Variants in PLXND1 observed in about 807,000 individuals in gnomAD.
The protein encoded by PLXND1 is plexin-D1.
A neutral mutation model predicts 197.7 loss-of-function variants in PLXND1; 54 were observed. The ratio of observed to expected loss-of-function variants is 0.27; its 90% CI spans 0.22 to 0.34. The LOEUF (loss-of-function observed/expected upper bound fraction) is 0.34. PLXND1 is among the 10% of genes least tolerant of loss of function. The pLI is 1.00. For missense variants in PLXND1, 2,127 were observed against 2,699.2 expected (o/e 0.79, Z 4.70); for synonymous variants, 1,180 against 1,161.2 (o/e 1.02, Z -0.33).
At chr3:129,563,384 G>T in intron 25 of PLXND1, 144 bp from the exon 26 acceptor site, 1 of 645,650 alleles carries the variant, frequency 1.5e-6, no homozygotes, top group Non-Finnish European at 2.6e-6. Flanking sequence ...CCTCTCCAGG[G>T]TGTCTCCACG....
intron 1 of PLXND1, among the ~76,000 whole-genome samples, chr3:129,595,229 C>T (rs532255777): frequency 1.3e-5 from 2 of 152,234 alleles, no homozygotes; most frequent in Non-Finnish European, 2.9e-5. Context: ...GCTCCTTCCA[C>T]TTCAGCATGC....
At chr3:129,597,492 C>CCCCA (rs146899806) in intron 1 of PLXND1, among the ~76,000 whole-genome samples, 50 of 152,202 alleles carry the variant, frequency 3.3e-4, no homozygotes, top group African/African-American at 1.0e-3. Flanking sequence ...GGCCCCCCCC[C>CCCCA]ATTATTTACC....
chr3:129,599,014 TG>T (rs1429785577), intron 1 of PLXND1, among the ~76,000 whole-genome samples: 9 of 152,238 alleles, frequency 5.9e-5, no homozygotes, highest in African/African-American at 2.2e-4. Flanking sequence ...GGGGCAGTTC[TG>T]GTGTCAGAGG....
At chr3:129,592,128 T>C (rs2085552302) in intron 1 of PLXND1, among the ~76,000 whole-genome samples, 2 of 151,830 alleles carry the variant, frequency 1.3e-5, no homozygotes, top group African/African-American at 2.4e-5. Context: ...GCTGCATCAT[T>C]GGCACCTCCT....
Position 129,558,903 on chromosome 3 carries a change from T to TG in PLXND1, c.5298-329dup, listed in dbSNP as rs1185905894. Reference sequence around the variant, plus strand: ...CACCCCTGGCTCCTCCCTGAACCCTTGCAGGCAGCAGGAAGTCCGACATTA... The same window carrying TG: ...CACCCCTGGCTCCTCCCTGAACCCTTGGCAGGCAGCAGGAAGTCCGACATTA... On this transcript the variant is annotated intron_variant, in intron 32 of 35. Coordinates refer to ENST00000324093, the MANE Select transcript of PLXND1 (RefSeq NM_015103.3). This position sits in a 1 kb window ranked among gnomAD's most constrained non-coding sequence, Gnocchi z 4.1. Among the ~76,000 whole-genome samples the TG allele has an allele frequency of 1.3e-5, 2 of 152,000 alleles. No individual in the cohort carries two copies. Among genetic ancestry groups the TG allele is most frequent in the Non-Finnish European group, 2.9e-5 (2 of 67,978 alleles).
chr3:129,590,607 T>C (rs571573326), intron 1 of PLXND1, among the ~76,000 whole-genome samples: 1 of 152,294 alleles, frequency 6.6e-6, no homozygotes, highest in East Asian at 1.9e-4. Context: ...TCACAGGATG[T>C]CATGGGCCCA....
intron 8 of PLXND1, among the ~76,000 whole-genome samples, chr3:129,583,216 A>G (rs1257638751): frequency 6.6e-6 from 1 of 152,214 alleles, no homozygotes; most frequent in Admixed American, 6.5e-5. Context: ...TTCCTACTGC[A>G]GTGGGGGTAT....
At chr3:129,603,525 A>T (rs1017833122) in intron 1 of PLXND1, among the ~76,000 whole-genome samples, 9 of 152,160 alleles carry the variant, frequency 5.9e-5, no homozygotes, top group East Asian at 3.9e-4. Context: ...CCAGTGCCAA[A>T]CACAGTTGCC....
chr3:129,556,811 G>A, intron 34 of PLXND1, 120 bp from the exon 35 acceptor site: 2 of 777,542 alleles, frequency 2.6e-6, no homozygotes, highest in East Asian at 2.7e-5. Context: ...GAACAGTTCA[G>A]CGATGAGGCC....
At chr3:129,559,918 G>A (rs2085033095) in intron 31 of PLXND1, 135 bp from the exon 32 acceptor site, 2 of 750,420 alleles carry the variant, frequency 2.7e-6, no homozygotes, top group East Asian at 2.7e-5. Context: ...GCTGGTCACC[G>A]AGCCTCTCTG....
At chr3:129,588,964 C>T (rs1223245213) in intron 2 of PLXND1, among the ~76,000 whole-genome samples, 1 of 152,194 alleles carries the variant, frequency 6.6e-6, no homozygotes, top group Non-Finnish European at 1.5e-5. Flanking sequence ...CAAAGCCCCA[C>T]AACAGCTTAC....
chr3:129,563,477 G>A (rs1166167710), intron 25 of PLXND1, among the ~76,000 whole-genome samples: 2 of 152,242 alleles, frequency 1.3e-5, no homozygotes, highest in African/African-American at 2.4e-5. Context: ...TTCCGGATAC[G>A]GAGTATCATT....
chr3:129,573,622 G>A lies in PLXND1; in HGVS notation c.2809C>T (p.Leu937=), dbSNP rs747595793. The part of the protein sequence containing the change: ...VWIGGVACEP[L]PDRYTVSEEI... Reference sequence around the variant, plus strand: ...TCCGACACCGTGTATCTGTCAGGCAGTGGCTCACAGGCCACACCACCAATC... The same window carrying A: ...TCCGACACCGTGTATCTGTCAGGCAATGGCTCACAGGCCACACCACCAATC... The change falls in exon 13 of 36, where the codon CTG becomes TTG. Residue 937 remains leucine, a synonymous_variant. Coordinates refer to ENST00000324093, the MANE Select transcript of PLXND1 (RefSeq NM_015103.3). 1 of 1,613,556 alleles carries A rather than the reference G, an allele frequency of 6.2e-7. No individual in the cohort carries two copies. The highest frequency in any genetic ancestry group is 1.7e-5 in the Admixed American group (1 of 60,020).
At position 129,572,825 on chromosome 3, in the gene PLXND1, C is replaced by A. The variant is rs749239540; in HGVS notation, c.2937+17G>T. On this transcript the variant is annotated intron_variant, in intron 14 of 35. Transcript: ENST00000324093. ...CGTGCTGGGCGGGCCGGACAGTGGG[C>A]TGCAGCCCCCCCTTACCACGTAGGA... The A allele has an allele frequency of 3.1e-6, 5 of 1,612,702 alleles. No individual in the cohort carries two copies. In the African/African-American group the frequency reaches 6.7e-5, roughly 22 times the overall value.
rs137896893 is a variant in PLXND1, at chr3:129,556,444, G to A, written c.5662-16C>T. ...CGGCCATGATCTGAGGGGAGCAGCG[G>A]AGTCAGCCGGGCCATGGCCGGTAGC... is the stretch of plus-strand genomic sequence containing the variant. On this transcript the variant is annotated splice_polypyrimidine_tract_variant and intron_variant, in intron 35 of 35. Transcript: ENST00000324093. 7 of 1,598,432 alleles carry A rather than the reference G, an allele frequency of 4.4e-6. No homozygotes were observed. The South Asian group carries it at 4.4e-5, about 10-fold the overall frequency.
Position 129,555,700 on chromosome 3 carries a change from TG to T in PLXND1, c.*611del, listed in dbSNP as rs2084963842. 3.7e-6 allele frequency: 2 copies of T among 534,814 alleles called. No individual in the cohort carries two copies. The highest frequency in any genetic ancestry group is 4.0e-5 in the African/African-American group (2 of 50,156). The allele number at this position is 534,814 out of a possible 1,614,324, so 33.1% of individuals were successfully genotyped here. The stretch of plus-strand genomic sequence containing the variant: ...CCCTCCCCTCCACCCTCCCTGCTCC[TG>T]GAGAAGCCCACAGAGCACCCCATGG... On this transcript the variant is annotated 3_prime_UTR_variant, in exon 36 of 36. Transcript: ENST00000324093.
Position 129,556,232 on chromosome 3 carries a change from G to T in PLXND1, c.*80C>A. ...TCAGTATTTCCCAGTCTGAGTCACA[G>T]GCACGGGGTAGAAGATCAAGTTGAG... is the stretch of plus-strand genomic sequence containing the variant. On this transcript the variant is annotated 3_prime_UTR_variant, in exon 36 of 36. Coordinates refer to ENST00000324093, the MANE Select transcript of PLXND1 (RefSeq NM_015103.3). 1 of 953,210 alleles carries T rather than the reference G, an allele frequency of 1.0e-6. No homozygotes were observed. Among genetic ancestry groups the T allele is most frequent in the African/African-American group, 1.6e-5 (1 of 62,494 alleles). 59.0% of individuals were successfully genotyped at this position (953,210 alleles called of 1,614,324 possible).
intron 1 of PLXND1, among the ~76,000 whole-genome samples, chr3:129,599,464 G>T (rs2085675907): frequency 6.6e-6 from 1 of 152,216 alleles, no homozygotes. Context: ...CTGCCTGGCT[G>T]TGGAAGGCCT....
Position 129,570,832 on chromosome 3 carries a change from G to A in PLXND1, c.3704C>T (p.Ser1235Leu), listed in dbSNP as rs777234602. Residue 1235 changes from serine (S) to leucine (L), a missense_variant, in exon 19 of 36, where the codon TCG becomes TTG. By Grantham distance (145) the Ser-to-Leu change is moderately radical. Transcript: ENST00000324093. ...QIVSDRIIHC[S>L]VNESLGAAVG... is the part of the protein sequence containing the mutation. Reference sequence around the variant, plus strand: ...GGCCGCGCCCAGGGACTCGTTGACCGAGCAGTGGATGATTCTGTCAGAGAC... The same window carrying A: ...GGCCGCGCCCAGGGACTCGTTGACCAAGCAGTGGATGATTCTGTCAGAGAC... 2 of 1,614,218 alleles carry A rather than the reference G, an allele frequency of 1.2e-6. No individual in the cohort carries two copies. The highest frequency in any genetic ancestry group is 1.7e-6 in the Non-Finnish European group (2 of 1,180,008).
Sources: allele counts gnomAD v4.1 joint callset (sites outside exome capture counted in the v4.1 genomes callset), GRCh38; gene constraint gnomAD v4.1.1; non-coding constraint Gnocchi (gnomAD v3.1); transcripts MANE v1.5; gene names NCBI Gene and HGNC (gene_info 2026-07-23, HGNC 2026-07-21).